BGN: variants seen among roughly 807,000 people sequenced by gnomAD.
BGN encodes bone/cartilage proteoglycan-I.
A neutral mutation model predicts 20.0 loss-of-function variants in BGN; 6 were observed. That is an observed-to-expected ratio of 0.30 (90% confidence interval 0.16 to 0.59). BGN has a LOEUF of 0.59. Among genes scored for constraint, BGN ranks in the 20% least tolerant of loss-of-function variants. The pLI, the probability that BGN is intolerant of heterozygous loss-of-function variation, is 0.88. For missense variants in BGN, 292 were observed against 312.1 expected (o/e 0.94, Z 0.49); for synonymous variants, 146 against 134.6 (o/e 1.08, Z -0.59).
chrX:153,502,525 G>C (rs1283693329), intron 1 of BGN, among the ~76,000 whole-genome samples: 1 of 112,430 alleles, frequency 8.9e-6, no homozygotes, highest in East Asian at 2.8e-4. Flanking sequence ...AGCAGGCATC[G>C]GAGGCCCTGC....
At chrX:153,502,023 C>A (rs1471032940) in intron 1 of BGN, among the ~76,000 whole-genome samples, 3 of 112,678 alleles carry the variant, frequency 2.7e-5, no homozygotes, top group Non-Finnish European at 5.6e-5. Flanking sequence ...TGCCTGTGCC[C>A]CCTGCCCTGG....
chrX:153,498,844 G>T (rs891836212), intron 1 of BGN, among the ~76,000 whole-genome samples: 2 of 112,558 alleles, frequency 1.8e-5, no homozygotes, highest in Non-Finnish European at 3.8e-5. Flanking sequence ...CTGAGGAGGG[G>T]CTTCTGGATC....
chrX:153,504,900 T>C (rs2124232861), intron 2 of BGN, 31 bp downstream of exon 2: 5 of 1,155,326 alleles, frequency 4.3e-6, no homozygotes, highest in Non-Finnish European at 5.8e-6. Context: ...GAGCGGGGCA[T>C]GCAGGGAGGC....
At chrX:153,502,316 C>G (rs1367101311) in intron 1 of BGN, among the ~76,000 whole-genome samples, 1 of 112,335 alleles carries the variant, frequency 8.9e-6, no homozygotes, top group Non-Finnish European at 1.9e-5. Flanking sequence ...GTGTCCCAGC[C>G]CTGACTCACT....
chrX:153,504,766 C>T lies in BGN; in HGVS notation c.135C>T (p.Asp45=), dbSNP rs1362094172. 4 of 1,210,268 alleles carry T rather than the reference C, an allele frequency of 3.3e-6. No homozygotes were observed. Among genetic ancestry groups the T allele is most frequent in the Non-Finnish European group, 4.5e-6 (4 of 895,288 alleles). Residue 45 remains aspartate, a synonymous_variant, in exon 2 of 8, where the codon GAC becomes GAT. Transcript: ENST00000331595. The part of the protein sequence containing the change: ...MMNDEEASGA[D]TSGVLDPDSV... ...ACGATGAGGAAGCTTCGGGCGCTGA[C>T]ACCTCGGGCGTCCTGGACCCGGACT... is the stretch of plus-strand genomic sequence containing the variant.
At position 153,505,919 on chromosome X, in the gene BGN, A is replaced by G; in HGVS notation, c.408A>G (p.Pro136=). The stretch of plus-strand genomic sequence containing the variant: ...AGATCCATGAGAAGGCCTTCAGCCC[A>G]CTGCGGAAGCTGCAGAAGCTCTACA... ...ISKIHEKAFS[P]LRKLQKLYIS... The change falls in exon 4 of 8, where the codon CCA becomes CCG. Residue 136 remains proline, a synonymous_variant. Coordinates refer to ENST00000331595, the MANE Select transcript of BGN (RefSeq NM_001711.6). 2 of 1,211,886 alleles carry G rather than the reference A, an allele frequency of 1.7e-6. No individual in the cohort carries two copies. Among genetic ancestry groups the G allele is most frequent in the Non-Finnish European group, 2.2e-6 (2 of 895,534 alleles).
intron 1 of BGN, among the ~76,000 whole-genome samples, chrX:153,502,525 G>A (rs1283693329): frequency 4.4e-5 from 5 of 112,430 alleles, no homozygotes; most frequent in African/African-American, 9.7e-5. Flanking sequence ...AGCAGGCATC[G>A]GAGGCCCTGC....
chrX:153,497,970 G>C (rs1188196615), intron 1 of BGN, among the ~76,000 whole-genome samples: 18 of 112,274 alleles, frequency 1.6e-4, no homozygotes, highest in African/African-American at 5.8e-4. Context: ...TGGCTCTTCC[G>C]AGGACTGCAG....
intron 1 of BGN, among the ~76,000 whole-genome samples, chrX:153,498,044 T>G (rs990364251): frequency 2.9e-4 from 33 of 112,200 alleles, no homozygotes; most frequent in Non-Finnish European, 5.3e-4. Context: ...AGGGGCAGGG[T>G]CAGGTCCCGG....
chrX:153,508,578 C>G lies in BGN; in HGVS notation c.*133C>G. The G allele has an allele frequency of 1.3e-6, 1 of 772,125 alleles. No homozygotes were observed. The highest frequency in any genetic ancestry group is 3.5e-5 in the East Asian group (1 of 28,777). The allele number at this position is 772,125 out of a possible 1,213,427, so 63.6% of individuals were successfully genotyped here. A position where few individuals can be genotyped will look rare whatever the true frequency, so the allele number is the denominator to read the frequency against. On this transcript the variant is annotated 3_prime_UTR_variant, in exon 8 of 8. Coordinates refer to ENST00000331595, the MANE Select transcript of BGN (RefSeq NM_001711.6). ...CCAACCCAGCCCCCCACCTCGGGTC[C>G]CTGACCCCAGCTCGATGCCCCATCA...
At chrX:153,507,023 T>C (rs1556993358) in intron 6 of BGN, 24 bp from the exon 7 acceptor site, 6 of 1,209,446 alleles carry the variant, frequency 5.0e-6, no homozygotes, top group Non-Finnish European at 6.7e-6. Context: ...AGCCTTTGAG[T>C]CCGTGTCATT....
chrX:153,505,812 G>C (rs782259956), intron 3 of BGN, 51 bp from the exon 4 acceptor site: 1 of 1,062,580 alleles, frequency 9.4e-7, no homozygotes, highest in Non-Finnish European at 1.3e-6. Flanking sequence ...AGAGAGGGGC[G>C]GGTGGGGTGG....
At chrX:153,504,320 G>A (rs2089782350) in intron 1 of BGN, among the ~76,000 whole-genome samples, 1 of 112,462 alleles carries the variant, frequency 8.9e-6, no homozygotes, top group Non-Finnish European at 1.9e-5. Flanking sequence ...CTGCAGACTT[G>A]CTGATGAGGA....
chrX:153,497,457 C>T (rs1393299166), intron 1 of BGN, among the ~76,000 whole-genome samples: 1 of 111,128 alleles, frequency 9.0e-6, no homozygotes, highest in Non-Finnish European at 1.9e-5. Flanking sequence ...ATCAGTGCCC[C>T]AGCTCCTGTC....
At chrX:153,499,772 G>A (rs2089743746) in intron 1 of BGN, among the ~76,000 whole-genome samples, 1 of 113,041 alleles carries the variant, frequency 8.8e-6, no homozygotes, top group Non-Finnish European at 1.9e-5. Flanking sequence ...GGAGGGACTG[G>A]TGGACTGGGG....
chrX:153,495,930 C>T (rs994321725), intron 1 of BGN, among the ~76,000 whole-genome samples: 6 of 112,578 alleles, frequency 5.3e-5, no homozygotes, highest in African/African-American at 1.9e-4. Flanking sequence ...GTGCCATGCT[C>T]CCCAGGGCGG....
At position 153,505,847 on chromosome X, in the gene BGN, G is replaced by C. The variant is rs375653428; in HGVS notation, c.352-16G>C. On this transcript the variant is annotated splice_polypyrimidine_tract_variant and intron_variant, in intron 3 of 7. Coordinates refer to ENST00000331595, the MANE Select transcript of BGN (RefSeq NM_001711.6). ...GGGAGTCTGTGCCTTCACCTCCTCC[G>C]CCCACCCTGCTTCAGGCCCTCGTCC... 3.3e-6 allele frequency: 4 copies of C among 1,202,695 alleles called. No homozygotes were observed. The highest frequency in any genetic ancestry group is 4.5e-6 in the Non-Finnish European group (4 of 888,984).
At chrX:153,501,495 C>T (rs1160369753) in intron 1 of BGN, among the ~76,000 whole-genome samples, 1 of 112,589 alleles carries the variant, frequency 8.9e-6, no homozygotes, top group Non-Finnish European at 1.9e-5. Flanking sequence ...GCCTCTCTCT[C>T]GGCCTTAGCT....
At chrX:153,496,310 G>C (rs782045506) in intron 1 of BGN, among the ~76,000 whole-genome samples, 3 of 112,986 alleles carry the variant, frequency 2.7e-5, no homozygotes, top group East Asian at 5.6e-4. Flanking sequence ...CCCCGTGCCA[G>C]AAAGGCTCCC....
Sources: gnomAD v4.1 joint callset for allele counts (sites outside exome capture counted in the v4.1 genomes callset) on GRCh38, gnomAD v4.1.1 for gene constraint, MANE v1.5 for transcripts, NCBI Gene and HGNC (gene_info 2026-07-23, HGNC 2026-07-21) for gene names.